ANK2: variants seen among roughly 807,000 people sequenced by gnomAD.
ANK2 encodes the protein ankyrin-2.
A neutral mutation model predicts 360.5 loss-of-function variants in ANK2; 83 were observed. That is an observed-to-expected ratio of 0.23 (90% CI 0.19 to 0.28). The LOEUF (loss-of-function observed/expected upper bound fraction) is 0.28. ANK2 is among the 10% of genes least tolerant of loss of function. The pLI is 1.00. For synonymous variants in ANK2, 1,740 were observed against 1,759.5 expected, an observed-to-expected ratio of 0.99 and a Z score of 0.28; for missense variants, 4,201 against 4,795.7, an observed-to-expected ratio of 0.88 and a Z score of 3.66.
chr4:112,885,751 C>T (rs1475688259), intron 1 of ANK2, among the ~76,000 whole-genome samples: 2 of 134,890 alleles, frequency 1.5e-5, no homozygotes, highest in Non-Finnish European at 3.0e-5. Context: ...GAGCCCAGAT[C>T]GCACCACTGC....
At chr4:113,144,774 A>G (rs1451490544) in intron 1 of ANK2, among the ~76,000 whole-genome samples, 3 of 147,574 alleles carry the variant, frequency 2.0e-5, no homozygotes, top group Non-Finnish European at 3.0e-5. Context: ...TTTAAACTAT[A>G]TACTACTTAA....
the ANK2 span, among the ~76,000 whole-genome samples, chr4:112,809,807 C>T: frequency 6.7e-6 from 1 of 148,598 alleles, no homozygotes; most frequent in Non-Finnish European, 1.5e-5. Flanking sequence ...TGCACTCCAG[C>T]CTGGGTGAGA....
intron 14 of ANK2, among the ~76,000 whole-genome samples, chr4:113,271,923 C>T (rs1428846059): frequency 6.6e-6 from 1 of 152,184 alleles, no homozygotes; most frequent in Non-Finnish European, 1.5e-5. Context: ...GTGGACATTA[C>T]TGAGAAGGCC....
intron 1 of ANK2, among the ~76,000 whole-genome samples, chr4:112,859,615 A>G (rs2067353201): frequency 6.6e-6 from 1 of 152,210 alleles, no homozygotes; most frequent in South Asian, 2.1e-4. Context: ...TAGAAGCCAG[A>G]TAATTTAGTT....
intron 9 of ANK2, among the ~76,000 whole-genome samples, chr4:113,243,112 G>C (rs2040886338): frequency 6.6e-6 from 1 of 152,112 alleles, no homozygotes; most frequent in Non-Finnish European, 1.5e-5. Context: ...GATTATTTCA[G>C]TATTAATTAT....
At chr4:112,921,379 GTTTTT>G (rs61196339) in intron 2 of ANK2, among the ~76,000 whole-genome samples, 3 of 127,860 alleles carry the variant, frequency 2.3e-5, no homozygotes, top group African/African-American at 8.3e-5. Context: ...GTTTCTTTAA[GTTTTT>G]TTTTTTTTTT....
intron 1 of ANK2, among the ~76,000 whole-genome samples, chr4:113,130,109 C>T (rs1254259734): frequency 6.6e-6 from 1 of 152,132 alleles, no homozygotes; most frequent in Non-Finnish European, 1.5e-5. Context: ...AGACCTATTT[C>T]CACTTTGAAC....
At chr4:113,201,556 A>G (rs17045747) in intron 4 of ANK2, among the ~76,000 whole-genome samples, 1,965 of 152,278 alleles carry the variant, frequency 0.013, 52 homozygotes, top group African/African-American at 0.045. Flanking sequence ...GTTAAATTCA[A>G]TTGTTCAGTG....
intron 1 of ANK2, chr4:113,145,591 G>A: frequency 9.5e-7 from 1 of 1,056,942 alleles, no homozygotes; most frequent in Non-Finnish European, 1.2e-6. Flanking sequence ...CCATTGACAT[G>A]CATAGCTGGC....
In ANK2 at chr4:113,355,857, C is replaced by A; in HGVS notation, c.7239C>A (p.Leu2413=). The A allele has an allele frequency of 6.2e-7, 1 of 1,614,094 alleles. No homozygotes were observed. The highest frequency in any genetic ancestry group is 1.1e-5 in the South Asian group (1 of 91,082). ...GTCCCCAAGGGTTAGAACTTGCACT[C>A]CCTAGCCGAGATAGCGAAGTCCTCA... is the stretch of plus-strand genomic sequence containing the variant. ...IRSPQGLELA[L]PSRDSEVLSA... Residue 2413 remains leucine (L), a synonymous_variant, in exon 38 of 46, where the codon CTC becomes CTA. Coordinates refer to ENST00000357077, the MANE Select transcript of ANK2 (RefSeq NM_001148.6).
intron 1 of ANK2, among the ~76,000 whole-genome samples, chr4:112,883,018 CTTTTTTTTTTTTTTTTTTTTTTTTT>C (rs536262490): frequency 1.3e-4 from 4 of 30,526 alleles, no homozygotes; most frequent in Non-Finnish European, 1.9e-4. Flanking sequence ...CTTGGTTAGT[CTTTTTTTTTTTTTTTTTTTTTTTTT>C]TTTTTTTTTT....
intron 1 of ANK2, among the ~76,000 whole-genome samples, chr4:113,053,363 T>A (rs552105151): frequency 8.5e-5 from 13 of 152,328 alleles, no homozygotes; most frequent in South Asian, 4.1e-4. Flanking sequence ...AACCTTCATC[T>A]GATACTTCCA....
At chr4:113,297,516 T>C (rs1486879423) in intron 22 of ANK2, among the ~76,000 whole-genome samples, 3 of 152,126 alleles carry the variant, frequency 2.0e-5, no homozygotes, top group African/African-American at 7.2e-5. Flanking sequence ...AAAATATCAC[T>C]TGTACCCCGT....
chr4:113,245,324 G>A (rs1281899342), intron 9 of ANK2, among the ~76,000 whole-genome samples: 1 of 152,082 alleles, frequency 6.6e-6, no homozygotes, highest in African/African-American at 2.4e-5. Context: ...TTTTTCTTTT[G>A]CTTTTGAAAT....
At chr4:113,021,602 T>C (rs542493032) in intron 2 of ANK2, among the ~76,000 whole-genome samples, 40 of 141,932 alleles carry the variant, frequency 2.8e-4, no homozygotes, top group Non-Finnish European at 4.9e-4. Context: ...TATTTTGGGG[T>C]GTCGTGTTCT....
At chr4:113,004,892 A>T (rs953810553) in intron 2 of ANK2, among the ~76,000 whole-genome samples, 1 of 152,212 alleles carries the variant, frequency 6.6e-6, no homozygotes, top group Non-Finnish European at 1.5e-5. Flanking sequence ...GCTGCCATAT[A>T]TAGTGTCCAT....
At chr4:113,070,635 C>T (rs955015838) in intron 1 of ANK2, among the ~76,000 whole-genome samples, 2 of 151,960 alleles carry the variant, frequency 1.3e-5, no homozygotes, top group African/African-American at 2.4e-5. Flanking sequence ...AACTTTGGAA[C>T]CAACCAATCC....
chr4:113,310,256 G>C (rs75380995), intron 23 of ANK2, among the ~76,000 whole-genome samples: 3,961 of 152,244 alleles, frequency 0.026, 86 homozygotes, highest in Non-Finnish European at 0.04. Flanking sequence ...CTGAGAGACA[G>C]CGGTGAGAAC....
chr4:113,101,580 A>G (rs1244506206), intron 1 of ANK2, among the ~76,000 whole-genome samples: 1 of 152,170 alleles, frequency 6.6e-6, no homozygotes, highest in Non-Finnish European at 1.5e-5. Context: ...TCTATCTAAG[A>G]AAAAGTTACA....
Sources: gnomAD v4.1 joint callset for allele counts (sites outside exome capture counted in the v4.1 genomes callset) on GRCh38, gnomAD v4.1.1 for gene constraint, MANE v1.5 for transcripts, NCBI Gene and HGNC (gene_info 2026-07-23, HGNC 2026-07-21) for gene names.